ST6GALNAC3: variants seen among roughly 807,000 people sequenced by gnomAD.
The protein encoded by ST6GALNAC3 is alpha-N-acetylgalactosaminide alpha-2,6-sialyltransferase 3.
A neutral mutation model predicts 32.7 loss-of-function variants in ST6GALNAC3; 25 were observed. The observed-to-expected ratio is 0.76, with a 90% CI of 0.56 to 1.07. The LOEUF (loss-of-function observed/expected upper bound fraction) is 1.07. ST6GALNAC3 is among the 50% of genes least tolerant of loss of function. The pLI is 0.00. For missense variants in ST6GALNAC3, 355 were observed against 382.4 expected (o/e 0.93, Z 0.60); for synonymous variants, 129 against 133.1 (o/e 0.97, Z 0.21).
chr1:76,514,352 G>A (rs977783000), intron 3 of ST6GALNAC3, among the ~76,000 whole-genome samples: 1 of 151,914 alleles, frequency 6.6e-6, no homozygotes, highest in Non-Finnish European at 1.5e-5. Flanking sequence ...CTTACTTTTT[G>A]TTAATGTGGT....
At chr1:76,511,288 G>A (rs180713880) in intron 3 of ST6GALNAC3, among the ~76,000 whole-genome samples, 1 of 152,288 alleles carries the variant, frequency 6.6e-6, no homozygotes, top group Admixed American at 6.5e-5. Context: ...TCTGACCTCA[G>A]TCCTCCTCTC....
chr1:76,469,952 T>G (rs953655056), intron 3 of ST6GALNAC3, among the ~76,000 whole-genome samples: 1 of 152,036 alleles, frequency 6.6e-6, no homozygotes, highest in African/African-American at 2.4e-5. Context: ...TTACTTGCAG[T>G]GAAACTATAT....
Position 76,255,990 on chromosome 1 carries a change from A to C in ST6GALNAC3, c.19-57815A>C, listed in dbSNP as rs1052128680. 1.3e-5 allele frequency among the ~76,000 whole-genome samples: 2 copies of C among 149,654 alleles called. 1 individual carries two copies. The highest frequency in any genetic ancestry group is 1.3e-4 in the Admixed American group (2 of 15,022). ...TACAAGGCAACCACATAATTAAATAATTTTTTCAAAAGACTGTCAGTGGTA... is the reference window on the plus strand; with the variant it reads ...TACAAGGCAACCACATAATTAAATACTTTTTTCAAAAGACTGTCAGTGGTA... On this transcript the variant is annotated intron_variant, in intron 1 of 4. Transcript: ENST00000328299.
At chr1:76,103,773 C>T (rs967630263) in intron 1 of ST6GALNAC3, among the ~76,000 whole-genome samples, 1 of 152,148 alleles carries the variant, frequency 6.6e-6, no homozygotes, top group Non-Finnish European at 1.5e-5. Flanking sequence ...TTTCACATGG[C>T]CTTCTCCTCT....
At chr1:76,557,374 C>T (rs1023343001) in intron 3 of ST6GALNAC3, among the ~76,000 whole-genome samples, 2 of 151,930 alleles carry the variant, frequency 1.3e-5, no homozygotes, top group Admixed American at 1.3e-4. Context: ...CTTGAATTTC[C>T]GTGTGAATTT....
chr1:76,479,544 G>C (rs566359278), intron 3 of ST6GALNAC3, among the ~76,000 whole-genome samples: 6 of 152,192 alleles, frequency 3.9e-5, no homozygotes, highest in Non-Finnish European at 8.8e-5. Context: ...ATAACATGGC[G>C]GAAGCCATCA....
intron 1 of ST6GALNAC3, among the ~76,000 whole-genome samples, chr1:76,304,615 A>G (rs1268419281): frequency 6.6e-6 from 1 of 152,064 alleles, no homozygotes; most frequent in Non-Finnish European, 1.5e-5. Flanking sequence ...CAGGAAAGGG[A>G]GAGATGGGAG....
intron 3 of ST6GALNAC3, among the ~76,000 whole-genome samples, chr1:76,445,492 TG>T (rs1435895132): frequency 6.6e-6 from 1 of 152,234 alleles, no homozygotes; most frequent in Non-Finnish European, 1.5e-5. Context: ...AATTAGAAGT[TG>T]TTTGAGAGCA....
At chr1:76,571,163 C>A (rs1453725098) in intron 3 of ST6GALNAC3, among the ~76,000 whole-genome samples, 2 of 152,094 alleles carry the variant, frequency 1.3e-5, no homozygotes, top group Non-Finnish European at 2.9e-5. Context: ...TATCTGTGTA[C>A]GTCTTCCCAT....
At chr1:76,598,739 A>T (rs12045874) in intron 3 of ST6GALNAC3, among the ~76,000 whole-genome samples, 11 of 98,160 alleles carry the variant, frequency 1.1e-4, no homozygotes, top group African/African-American at 4.3e-4. Context: ...TTCACAAATT[A>T]AAAAAAAAAA....
At chr1:76,340,177 A>G (rs1261502939) in intron 2 of ST6GALNAC3, among the ~76,000 whole-genome samples, 2 of 152,180 alleles carry the variant, frequency 1.3e-5, no homozygotes, top group Non-Finnish European at 2.9e-5. Context: ...CTCGGAGTGC[A>G]TTTTGGGGGC....
intron 3 of ST6GALNAC3, among the ~76,000 whole-genome samples, chr1:76,463,689 C>G (rs1029038736): frequency 6.6e-6 from 1 of 151,994 alleles, no homozygotes; most frequent in African/African-American, 2.4e-5. Flanking sequence ...GCTTTCCTAC[C>G]GCAGGGTTTG....
intron 1 of ST6GALNAC3, among the ~76,000 whole-genome samples, chr1:76,268,143 A>T (rs139908854): frequency 6.6e-6 from 1 of 152,320 alleles, no homozygotes; most frequent in Non-Finnish European, 1.5e-5. Context: ...TACAGATAAG[A>T]TATTGAACTG....
intron 1 of ST6GALNAC3, among the ~76,000 whole-genome samples, chr1:76,120,286 G>C (rs1300878262): frequency 6.6e-6 from 1 of 152,218 alleles, no homozygotes. Context: ...GATGTGTCCA[G>C]AGTGATCTCG....
chr1:76,455,098 G>A (rs1484390283), intron 3 of ST6GALNAC3, among the ~76,000 whole-genome samples: 1 of 151,290 alleles, frequency 6.6e-6, no homozygotes, highest in East Asian at 1.9e-4. Context: ...ATACTCATCT[G>A]TTAATTTTTT....
At chr1:76,317,287 A>G (rs1646883015) in intron 2 of ST6GALNAC3, among the ~76,000 whole-genome samples, 1 of 152,108 alleles carries the variant, frequency 6.6e-6, no homozygotes, top group South Asian at 2.1e-4. Context: ...TTCTCACTGT[A>G]ATGTCCTCAG....
At chr1:76,425,179 A>T (rs1480382140) in intron 3 of ST6GALNAC3, among the ~76,000 whole-genome samples, 2 of 151,964 alleles carry the variant, frequency 1.3e-5, no homozygotes, top group African/African-American at 4.8e-5. Flanking sequence ...CACAAACTAG[A>T]GGCAGAACTT....
intron 3 of ST6GALNAC3, among the ~76,000 whole-genome samples, chr1:76,583,119 G>A (rs1050823830): frequency 3.3e-5 from 5 of 152,154 alleles, no homozygotes; most frequent in Admixed American, 1.3e-4. Flanking sequence ...AGACTATACC[G>A]GATGCTGTCA....
intron 3 of ST6GALNAC3, among the ~76,000 whole-genome samples, chr1:76,434,913 CTT>C (rs1407145104): frequency 6.6e-6 from 1 of 151,058 alleles, no homozygotes; most frequent in Non-Finnish European, 1.5e-5. Context: ...GCCTCAGCCT[CTT>C]GAGTAGCTGG....
Sources: allele counts gnomAD v4.1 joint callset (sites outside exome capture counted in the v4.1 genomes callset), GRCh38; gene constraint gnomAD v4.1.1; transcripts MANE v1.5; gene names NCBI Gene and HGNC (gene_info 2026-07-23, HGNC 2026-07-21).